The following GRIN2D variants were observed in gnomAD, a reference collection of about 807,000 sequenced individuals.
GRIN2D encodes glutamate ionotropic receptor NMDA type subunit 2D.
GRIN2D carries 37 observed loss-of-function variants against 103.2 expected under a neutral mutation model. The observed-to-expected ratio is 0.36, with a 90% CI of 0.28 to 0.47. GRIN2D has a LOEUF of 0.47. Among genes scored for constraint, GRIN2D ranks in the 20% least tolerant of loss-of-function variants. The pLI, the probability that GRIN2D is intolerant of heterozygous loss-of-function variation, is 1.00. For synonymous variants in GRIN2D, 845 were observed against 885.6 expected (o/e 0.95, Z 0.81); for missense variants, 1,557 against 1,910.6 (o/e 0.81, Z 3.45).
In GRIN2D at chr19:48,444,108, G is replaced by T. The variant is rs539864049; in HGVS notation, c.*171G>T. 1.3e-5 allele frequency: 6 copies of T among 449,774 alleles called. No homozygotes were observed. The highest frequency in any genetic ancestry group is 2.3e-5 in the Non-Finnish European group (6 of 259,192). The allele number at this position is 449,774 out of a possible 1,614,324, so 27.9% of individuals were successfully genotyped here. ...GGTTCTGGAGGAACCGCAAGCCGGA[G>T]AGGATTTGGTCCCTCAACTATCACC... On this transcript the variant is annotated 3_prime_UTR_variant, in exon 14 of 14. Coordinates refer to ENST00000263269, the MANE Select transcript of GRIN2D (RefSeq NM_000836.4). The surrounding 1 kb of genome is among the most constrained non-coding windows in gnomAD (Gnocchi z 5.5).
chr19:48,405,410 A>T lies in GRIN2D; in HGVS notation c.1085+57A>T. On this transcript the variant is annotated intron_variant, in intron 4 of 13. Transcript: ENST00000263269. The surrounding 1 kb of genome is among the most constrained non-coding windows in gnomAD (Gnocchi z 5.1). ...AGGGCTCCCAGAGCCTAACTACCTCAGTATTCACTGAATGAGTGGCTCAAA... is the reference window on the plus strand; with the variant it reads ...AGGGCTCCCAGAGCCTAACTACCTCTGTATTCACTGAATGAGTGGCTCAAA... 2 of 1,456,244 alleles carry T rather than the reference A, an allele frequency of 1.4e-6. No individual in the cohort carries two copies. The highest frequency in any genetic ancestry group is 2.8e-5 in the South Asian group (2 of 71,152). 90.2% of individuals were successfully genotyped at this position (1,456,244 alleles called of 1,614,324 possible).
intron 2 of GRIN2D, among the ~76,000 whole-genome samples, chr19:48,396,001 CAGA>C (rs1417703799): frequency 1.3e-5 from 2 of 151,810 alleles, no homozygotes; most frequent in African/African-American, 2.4e-5. Context: ...AAGGGGCTGC[CAGA>C]AGGACTCCTG....
At chr19:48,419,484 C>A in intron 9 of GRIN2D, 101 bp from the exon 10 acceptor site, 2 of 1,364,648 alleles carry the variant, frequency 1.5e-6, no homozygotes, top group South Asian at 1.3e-5. Flanking sequence ...GTGCCAGATG[C>A]CTTGAGGGCC....
chr19:48,430,284 G>A (rs1057288206), intron 11 of GRIN2D, among the ~76,000 whole-genome samples: 10 of 151,654 alleles, frequency 6.6e-5, no homozygotes, highest in African/African-American at 2.4e-4. Flanking sequence ...ACTGCAATCT[G>A]TGCCTCCCAG....
rs1420604125 is a variant in GRIN2D, at chr19:48,398,650, C to G, written c.258C>G (p.Pro86=). 7.7e-6 allele frequency: 11 copies of G among 1,435,488 alleles called. No individual in the cohort carries two copies. Among genetic ancestry groups the G allele is most frequent in the Admixed American group, 2.6e-5 (1 of 38,520 alleles). The allele number at this position is 1,435,488 out of a possible 1,614,324, so 88.9% of individuals were successfully genotyped here. Residue 86 remains proline (P), a synonymous_variant, in exon 3 of 14, where the codon CCC becomes CCG. Transcript: ENST00000263269. ...AVRSPGLDVR[P]VALVLNGSDP... is the part of the protein sequence containing the mutation. The stretch of plus-strand genomic sequence containing the variant: ...GCAGCCCGGGCCTAGACGTGCGGCC[C>G]GTGGCGCTGGTGCTCAACGGCTCGG...
intron 3 of GRIN2D, among the ~76,000 whole-genome samples, chr19:48,400,126 A>T (rs1232887819): frequency 3.9e-5 from 6 of 152,142 alleles, no homozygotes. Context: ...GAGCCTGGAG[A>T]AAGGCCTGAC....
In GRIN2D at chr19:48,443,838, G is replaced by A. The variant is rs1438788026; in HGVS notation, c.3912G>A (p.Gly1304=). The change falls in exon 14 of 14, where the codon GGG becomes GGA. Residue 1304 remains glycine (G), a synonymous_variant. Coordinates refer to ENST00000263269, the MANE Select transcript of GRIN2D (RefSeq NM_000836.4). This position sits in a 1 kb window ranked among gnomAD's most constrained non-coding sequence, Gnocchi z 8.9. ...GGTGTCCGCACGCCGCGCACTGGGG[G>A]CCGCCGCTGCCCACAGCTTCCCACC... The part of the protein sequence containing the change: ...ARRCPHAAHW[G]PPLPTASHRR... 4 of 1,484,686 alleles carry A rather than the reference G, an allele frequency of 2.7e-6. No individual in the cohort carries two copies. The highest frequency in any genetic ancestry group is 2.9e-5 in the East Asian group (1 of 34,206). 92.0% of individuals were successfully genotyped at this position (1,484,686 alleles called of 1,614,324 possible). A position where few individuals can be genotyped will look rare whatever the true frequency, so the allele number is the denominator to read the frequency against.
rs1365491288 is a variant in GRIN2D, at chr19:48,442,489, A to C, written c.2673+107A>C. On this transcript the variant is annotated intron_variant, in intron 13 of 13. Transcript: ENST00000263269. This position sits in a 1 kb window ranked among gnomAD's most constrained non-coding sequence, Gnocchi z 7.2. ...TGGGTCGAGATGTGGATAGTGGGGA[A>C]GAGAGCGGGAAACACAGGCGGGTAA... The C allele has an allele frequency of 3.3e-6, 5 of 1,514,814 alleles. No homozygotes were observed. The highest frequency in any genetic ancestry group is 3.5e-6 in the Non-Finnish European group (4 of 1,131,524). The allele number at this position is 1,514,814 out of a possible 1,614,324, so 93.8% of individuals were successfully genotyped here. A position where few individuals can be genotyped will look rare whatever the true frequency, so the allele number is the denominator to read the frequency against.
At chr19:48,404,667 C>T (rs1970760606) in intron 3 of GRIN2D, 67 bp from the exon 4 acceptor site, 1 of 1,475,486 alleles carries the variant, frequency 6.8e-7, no homozygotes, top group African/African-American at 1.4e-5. Context: ...CTGTGGTCCC[C>T]TTATTCATTG....
At position 48,408,108 on chromosome 19, in the gene GRIN2D, G is replaced by A. The variant is rs373459781; in HGVS notation, c.1085+2755G>A. Reference sequence around the variant, plus strand: ...CCAGCACTTTGGGAGGCCGAGGCGGGCGGATCACAAGGTCAGGAGATCGAG... The same window carrying A: ...CCAGCACTTTGGGAGGCCGAGGCGGACGGATCACAAGGTCAGGAGATCGAG... On this transcript the variant is annotated intron_variant, in intron 4 of 13. Transcript: ENST00000263269. Among the ~76,000 whole-genome samples the A allele has an allele frequency of 2.3e-3, 353 of 152,264 alleles. 1 individual carries two copies. Among genetic ancestry groups the A allele is most frequent in the African/African-American group, 7.1e-3 (296 of 41,562 alleles).
At chr19:48,425,031 T>C (rs3865434) in intron 11 of GRIN2D, among the ~76,000 whole-genome samples, 1,799 of 151,980 alleles carry the variant, frequency 0.012, 39 homozygotes, top group African/African-American at 0.041. Context: ...CTTCTCTCTC[T>C]CTCTCTCTCT....
At chr19:48,397,859 A>C (rs1970661493) in intron 2 of GRIN2D, among the ~76,000 whole-genome samples, 7 of 132,480 alleles carry the variant, frequency 5.3e-5, no homozygotes, top group African/African-American at 8.6e-5. Context: ...CTCCCCTCTT[A>C]CCTCTGTATC....
In GRIN2D at chr19:48,419,347, G is replaced by C. The variant is rs1689066614; in HGVS notation, c.1849G>C (p.Ala617Pro). The C allele has an allele frequency of 6.2e-7, 1 of 1,603,510 alleles. No individual in the cohort carries two copies. The highest frequency in any genetic ancestry group is 8.5e-7 in the Non-Finnish European group (1 of 1,178,516). ...TCCTGTTGGTTACAACCGCAGCCTG[G>C]CCACGGGCAAGCGTGAGTCCCCCTT... ...LSPVGYNRSL[A>P]TGKRPGGSTF... Residue 617 changes from alanine (A) to proline (P), a missense_variant, in exon 9 of 14, where the codon GCC becomes CCC. Physicochemically the swap from Ala to Pro is conservative, Grantham distance 27. Coordinates refer to ENST00000263269, the MANE Select transcript of GRIN2D (RefSeq NM_000836.4).
chr19:48,428,453 C>T (rs556678483), intron 11 of GRIN2D, among the ~76,000 whole-genome samples: 3 of 151,402 alleles, frequency 2.0e-5, no homozygotes, highest in Non-Finnish European at 2.9e-5. Flanking sequence ...CTCCACCTCC[C>T]GGGTTCCAGT....
In GRIN2D at chr19:48,394,030, C is replaced by G. The variant is rs1375100993; in HGVS notation, c.-306+162C>G. Among the ~76,000 whole-genome samples the G allele has an allele frequency of 2.0e-5, 3 of 152,110 alleles. No individual in the cohort carries two copies. The highest frequency in any genetic ancestry group is 2.9e-5 in the Non-Finnish European group (2 of 68,020). ...CTCCCGCTCCTTCCCCCCGGCCCCCCCAAACCCAGATGGATGGTGTGTACC... is the reference window on the plus strand; with the variant it reads ...CTCCCGCTCCTTCCCCCCGGCCCCCGCAAACCCAGATGGATGGTGTGTACC... On this transcript the variant is annotated intron_variant, in intron 1 of 13. Coordinates refer to ENST00000263269, the MANE Select transcript of GRIN2D (RefSeq NM_000836.4). The surrounding 1 kb of genome is among the most constrained non-coding windows in gnomAD (Gnocchi z 5.1).
Position 48,414,945 on chromosome 19 carries a change from C to T in GRIN2D, c.1494C>T (p.Thr498=). Residue 498 remains threonine, a synonymous_variant, in exon 7 of 14, where the codon ACC becomes ACT. Transcript: ENST00000263269. This position sits in a 1 kb window ranked among gnomAD's most constrained non-coding sequence, Gnocchi z 4.6. ...CIDILKRLAH[T]IGFSYDLYLV... ...ACATTCTGAAGCGGCTGGCGCATACCATCGGCTTCAGCTACGACCTCTACC... is the reference window on the plus strand; with the variant it reads ...ACATTCTGAAGCGGCTGGCGCATACTATCGGCTTCAGCTACGACCTCTACC... 2 of 1,614,016 alleles carry T rather than the reference C, an allele frequency of 1.2e-6. No individual in the cohort carries two copies. Among genetic ancestry groups the T allele is most frequent in the East Asian group, 2.2e-5 (1 of 44,868 alleles).
At chr19:48,408,150 G>A (rs908227383) in intron 4 of GRIN2D, among the ~76,000 whole-genome samples, 4 of 151,778 alleles carry the variant, frequency 2.6e-5, no homozygotes, top group African/African-American at 9.7e-5. Context: ...CTGGCTAACA[G>A]GGTGAAACCC....
In GRIN2D at chr19:48,414,655, C is replaced by A. The variant is rs1016974565; in HGVS notation, c.1412+71C>A. ...CGTGAAGCCCAGTAGTCTGGGCCCC[C>A]AGCCCCCTCCTCCCTTGGGACCCAG... On this transcript the variant is annotated intron_variant, in intron 6 of 13. Coordinates refer to ENST00000263269, the MANE Select transcript of GRIN2D (RefSeq NM_000836.4). The surrounding 1 kb of genome is among the most constrained non-coding windows in gnomAD (Gnocchi z 4.6). The A allele has an allele frequency of 7.1e-7, 1 of 1,406,142 alleles. No individual in the cohort carries two copies. 87.1% of individuals were successfully genotyped at this position (1,406,142 alleles called of 1,614,324 possible).
rs1282268596 is a variant in GRIN2D, at chr19:48,442,786, G to T, written c.2860G>T (p.Gly954Cys). 11 of 1,069,938 alleles carry T rather than the reference G, an allele frequency of 1.0e-5. No individual in the cohort carries two copies. The highest frequency in any genetic ancestry group is 1.2e-5 in the Non-Finnish European group (11 of 886,152). The allele number at this position is 1,069,938 out of a possible 1,614,324, so 66.3% of individuals were successfully genotyped here. ...GACCAAGGGCGCGGGGCCGCCGGGGGGCGCGGGCCTGGCCGACGGCTTCCA... is the reference window on the plus strand; with the variant it reads ...GACCAAGGGCGCGGGGCCGCCGGGGTGCGCGGGCCTGGCCGACGGCTTCCA... ...RRTKGAGPPG[G>C]AGLADGFHRY... The change falls in exon 14 of 14, where the codon GGC (glycine) becomes TGC (cysteine). Residue 954 changes from glycine (G) to cysteine (C), a missense_variant. By Grantham distance (159) the Gly-to-Cys change is radical. Transcript: ENST00000263269. The surrounding 1 kb of genome is among the most constrained non-coding windows in gnomAD (Gnocchi z 7.2).
Sources: allele counts gnomAD v4.1 joint callset (sites outside exome capture counted in the v4.1 genomes callset), GRCh38; gene constraint gnomAD v4.1.1; non-coding constraint Gnocchi (gnomAD v3.1); transcripts MANE v1.5; gene names NCBI Gene and HGNC (gene_info 2026-07-23, HGNC 2026-07-21).